The following SCN11A variants were observed in gnomAD, a reference collection of about 807,000 sequenced individuals.
SCN11A encodes sodium channel protein type 11 subunit alpha.
In SCN11A, 122 loss-of-function variants were observed where a neutral mutation model predicts 162.2. That is an observed-to-expected ratio of 0.75 (90% CI 0.65 to 0.87). The LOEUF (loss-of-function observed/expected upper bound fraction) is 0.87. Ranked by LOEUF, SCN11A falls within the 40% of genes least tolerant of loss-of-function variation. The pLI is 0.00. For synonymous variants in SCN11A, 758 were observed against 751.5 expected, an observed-to-expected ratio of 1.01 and a Z score of -0.14; for missense variants, 2,015 against 2,181.6, an observed-to-expected ratio of 0.92 and a Z score of 1.52.
chr3:39,015,245 G>C (rs1182671544), intron 2 of SCN11A, among the ~76,000 whole-genome samples: 2 of 152,144 alleles, frequency 1.3e-5, no homozygotes, highest in African/African-American at 2.4e-5. Context: ...CCATGTGATA[G>C]CATAGTAAGA....
At chr3:39,034,130 C>A (rs968299979) in intron 1 of SCN11A, among the ~76,000 whole-genome samples, 15 of 152,170 alleles carry the variant, frequency 9.9e-5, no homozygotes, top group African/African-American at 3.6e-4. Flanking sequence ...CCACTGCATT[C>A]CAGCCTGGAC....
intron 2 of SCN11A, among the ~76,000 whole-genome samples, chr3:39,030,743 G>C (rs1463214305): frequency 6.6e-6 from 1 of 152,000 alleles, no homozygotes; most frequent in Non-Finnish European, 1.5e-5. Context: ...CACACACAAA[G>C]CACATTTGTG....
chr3:38,855,580 G>T (rs2064854872), intron 28 of SCN11A, among the ~76,000 whole-genome samples: 1 of 152,108 alleles, frequency 6.6e-6, no homozygotes, highest in South Asian at 2.1e-4. Context: ...TCTCTTGAAA[G>T]CACCACCTCC....
intron 2 of SCN11A, among the ~76,000 whole-genome samples, chr3:39,000,646 G>T (rs192539024): frequency 6.1e-4 from 93 of 152,202 alleles, no homozygotes; most frequent in Non-Finnish European, 9.8e-4. Flanking sequence ...AGATTTTGGG[G>T]TGCAACTGTT....
chr3:39,004,118 T>C (rs891848595), intron 2 of SCN11A, among the ~76,000 whole-genome samples: 10 of 152,178 alleles, frequency 6.6e-5, no homozygotes, highest in Admixed American at 6.5e-4. Context: ...AGGATGGTAT[T>C]GCCTAGGTTG....
chr3:38,994,407 C>A (rs2125595463), intron 2 of SCN11A, among the ~76,000 whole-genome samples: 1 of 152,234 alleles, frequency 6.6e-6, no homozygotes, highest in East Asian at 1.9e-4. Flanking sequence ...TAGGACATTT[C>A]TAGGGTACTT....
Position 38,950,166 on chromosome 3 carries a change from T to C in SCN11A, c.197A>G (p.Tyr66Cys), listed in dbSNP as rs761977547. 2 of 1,609,934 alleles carry C rather than the reference T, an allele frequency of 1.2e-6. No homozygotes were observed. The highest frequency in any genetic ancestry group is 1.7e-5 in the Admixed American group (1 of 59,120). The change falls in exon 5 of 30, where the codon TAT (tyrosine) becomes TGT (cysteine). Residue 66 changes from tyrosine (Y) to cysteine (C), a missense_variant. By Grantham distance (194) the Tyr-to-Cys change is radical (BLOSUM62 -2). Transcript: ENST00000302328. ...LKASRKLPKL[Y>C]GDIPRELIGK... is the part of the protein sequence containing the mutation. ...TATGAGCTCACGAGGAATGTCGCCATAGAGCTTGGGCAACTTCCTGGAGGC... is the reference window on the plus strand; with the variant it reads ...TATGAGCTCACGAGGAATGTCGCCACAGAGCTTGGGCAACTTCCTGGAGGC...
intron 13 of SCN11A, 21 bp from the exon 14 acceptor site, chr3:38,908,143 A>G: frequency 6.2e-7 from 1 of 1,603,056 alleles, no homozygotes; most frequent in East Asian, 2.2e-5. Context: ...AACAAAAGCA[A>G]TTAAAGAACA....
intron 7 of SCN11A, among the ~76,000 whole-genome samples, chr3:38,945,050 A>G (rs1220838907): frequency 6.6e-6 from 1 of 152,220 alleles, no homozygotes. Context: ...AAAACAAAGA[A>G]TAAGTAAATA....
chr3:38,904,510 A>G (rs1280882192), intron 15 of SCN11A, among the ~76,000 whole-genome samples: 1 of 152,094 alleles, frequency 6.6e-6, no homozygotes, highest in African/African-American at 2.4e-5. Context: ...GGCTCAAGGG[A>G]AGGGGCATCT....
At chr3:38,987,530 C>G (rs866958309) in intron 2 of SCN11A, among the ~76,000 whole-genome samples, 2 of 152,212 alleles carry the variant, frequency 1.3e-5, no homozygotes. Context: ...AGTAATCTCC[C>G]CAAGACACTC....
At chr3:38,952,701 C>T (rs73828754) in intron 4 of SCN11A, among the ~76,000 whole-genome samples, 2,428 of 152,340 alleles carry the variant, frequency 0.016, 66 homozygotes, top group African/African-American at 0.056. Context: ...GAATCAGGGA[C>T]TGTTGTCCAA....
intron 23 of SCN11A, among the ~76,000 whole-genome samples, chr3:38,875,896 T>C (rs74489282): frequency 1.3e-5 from 2 of 152,082 alleles, no homozygotes; most frequent in African/African-American, 2.4e-5. Flanking sequence ...AGAGCCTGCA[T>C]ACCCAAAGCA....
chr3:38,914,950 CCTCTGCCAGGTTTT>C (rs1330997969), intron 11 of SCN11A, among the ~76,000 whole-genome samples: 7 of 151,702 alleles, frequency 4.6e-5, no homozygotes, highest in Non-Finnish European at 7.4e-5. Flanking sequence ...TTTTTTTGTG[CCTCTGCCAGGTTTT>C]GGTATCAGGA....
At chr3:38,935,680 G>A (rs539516337) in intron 7 of SCN11A, among the ~76,000 whole-genome samples, 37 of 152,304 alleles carry the variant, frequency 2.4e-4, no homozygotes, top group Admixed American at 6.5e-4. Context: ...AAACCAGGAA[G>A]AAGTTGACTC....
chr3:38,896,131 T>C (rs1340869413), intron 18 of SCN11A, among the ~76,000 whole-genome samples: 2 of 152,180 alleles, frequency 1.3e-5, no homozygotes, highest in African/African-American at 4.8e-5. Flanking sequence ...ATGACATGAA[T>C]ACAGGTTTGT....
chr3:39,008,745 T>C (rs1321628078), intron 2 of SCN11A, among the ~76,000 whole-genome samples: 1 of 151,910 alleles, frequency 6.6e-6, no homozygotes, highest in Non-Finnish European at 1.5e-5. Flanking sequence ...AGGGTGGGTG[T>C]AGTGGCACGT....
chr3:38,863,964 A>G (rs2065004296), intron 27 of SCN11A, among the ~76,000 whole-genome samples: 1 of 152,156 alleles, frequency 6.6e-6, no homozygotes, highest in Non-Finnish European at 1.5e-5. Context: ...AGACTAGTAA[A>G]TTAGCCCAAA....
At chr3:38,910,506 G>A (rs1461358507) in intron 11 of SCN11A, among the ~76,000 whole-genome samples, 1 of 152,038 alleles carries the variant, frequency 6.6e-6, no homozygotes, top group Non-Finnish European at 1.5e-5. Context: ...CCAGTTTCCT[G>A]ATCCCACTTC....
Sources: gnomAD v4.1 joint callset for allele counts (sites outside exome capture counted in the v4.1 genomes callset) on GRCh38, gnomAD v4.1.1 for gene constraint, MANE v1.5 for transcripts, NCBI Gene and HGNC (gene_info 2026-07-23, HGNC 2026-07-21) for gene names.